Variants in PRR16 observed in about 807,000 individuals in gnomAD.
PRR16 encodes protein Largen.
Under a neutral mutation model 18.2 loss-of-function variants are expected in PRR16, and 6 were observed. The ratio of observed to expected loss-of-function variants is 0.33; its 90% confidence interval spans 0.18 to 0.65. PRR16 has a LOEUF of 0.65. PRR16 is among the 30% of genes least tolerant of loss of function. PRR16 has a pLI of 0.74. For missense variants in PRR16, 412 were observed against 376.6 expected (o/e 1.09, Z -0.78); for synonymous variants, 151 against 147.8 (o/e 1.02, Z -0.16).
intron 1 of PRR16, among the ~76,000 whole-genome samples, chr5:120,677,258 CCTA>C (rs201066403): frequency 0.01 from 1,570 of 152,164 alleles, 12 homozygotes; most frequent in Middle Eastern, 0.027. Context: ...GCAAAGTGGC[CCTA>C]CTGTGTCCTT....
the PRR16 span, among the ~76,000 whole-genome samples, chr5:120,711,349 G>A: frequency 1.3e-5 from 2 of 152,122 alleles, no homozygotes; most frequent in African/African-American, 4.8e-5. Context: ...TATAGACTCA[G>A]TGTAGAGTAG....
chr5:120,548,760 C>G (rs1752154763), intron 1 of PRR16, among the ~76,000 whole-genome samples: 1 of 102,288 alleles, frequency 9.8e-6, no homozygotes, highest in African/African-American at 3.7e-5. Flanking sequence ...GTCTGACTTG[C>G]TATTGGCCAA....
intron 1 of PRR16, among the ~76,000 whole-genome samples, chr5:120,592,932 C>T (rs1016734924): frequency 6.6e-6 from 1 of 152,026 alleles, no homozygotes; most frequent in African/African-American, 2.4e-5. Flanking sequence ...ATATAATTTA[C>T]TGCATTTGCA....
chr5:120,673,687 C>T (rs2150148499), intron 1 of PRR16, among the ~76,000 whole-genome samples: 2 of 152,072 alleles, frequency 1.3e-5, no homozygotes, highest in East Asian at 3.9e-4. Context: ...GCCGATAATC[C>T]CAGCACTTTG....
chr5:120,690,890 C>T (rs11241561), downstream of PRR16, among the ~76,000 whole-genome samples: 148,978 of 152,218 alleles, frequency 0.98, 72,991 homozygotes, highest in East Asian at 1. Context: ...TGAAGTGTAA[C>T]ATAAAGAAGC....
intron 1 of PRR16, among the ~76,000 whole-genome samples, chr5:120,575,856 A>C (rs1396841283): frequency 6.6e-6 from 1 of 152,222 alleles, no homozygotes; most frequent in African/African-American, 2.4e-5. Flanking sequence ...GAGGAAGTCA[A>C]ATTATTCCTG....
the PRR16 span, among the ~76,000 whole-genome samples, chr5:120,781,675 C>T: frequency 6.6e-6 from 1 of 151,944 alleles, no homozygotes; most frequent in Non-Finnish European, 1.5e-5. Context: ...TTTTGGAGTA[C>T]CATGTTCTCA....
the PRR16 span, among the ~76,000 whole-genome samples, chr5:120,720,128 C>T: frequency 6.6e-6 from 1 of 151,944 alleles, no homozygotes; most frequent in African/African-American, 2.4e-5. Context: ...AGTAATTATT[C>T]ATAGCCATAA....
intron 1 of PRR16, among the ~76,000 whole-genome samples, chr5:120,644,629 T>G (rs1014674698): frequency 6.6e-5 from 10 of 152,130 alleles, no homozygotes; most frequent in African/African-American, 2.2e-4. Context: ...TCAAAATATT[T>G]CATAATCTTT....
chr5:120,783,957 CAT>C, the PRR16 span, among the ~76,000 whole-genome samples: 82 of 152,244 alleles, frequency 5.4e-4, no homozygotes, highest in African/African-American at 1.9e-3. Flanking sequence ...TGAACGAGAA[CAT>C]GTGTATTTGT....
At chr5:120,547,319 T>C (rs569459068) in intron 1 of PRR16, among the ~76,000 whole-genome samples, 8 of 151,992 alleles carry the variant, frequency 5.3e-5, no homozygotes, top group Admixed American at 3.9e-4. Context: ...ACTCCTAGAG[T>C]CTTAAATCCT....
intron 1 of PRR16, among the ~76,000 whole-genome samples, chr5:120,541,045 A>G (rs2112682705): frequency 2.0e-5 from 3 of 152,338 alleles, no homozygotes; most frequent in Admixed American, 2.0e-4. Context: ...GAGATTCTTT[A>G]GAGGTCTTAT....
chr5:120,560,864 T>G (rs1040232397), intron 1 of PRR16, among the ~76,000 whole-genome samples: 1 of 152,114 alleles, frequency 6.6e-6, no homozygotes, highest in Non-Finnish European at 1.5e-5. Context: ...GTAGGTTGTA[T>G]GTGTCTAGGA....
intron 1 of PRR16, among the ~76,000 whole-genome samples, chr5:120,668,189 A>G (rs1459633341): frequency 6.6e-6 from 1 of 150,644 alleles, no homozygotes; most frequent in African/African-American, 2.4e-5. Context: ...TGTTGAATTG[A>G]TCCCTTTACC....
chr5:120,702,435 C>G, the PRR16 span, among the ~76,000 whole-genome samples: 26 of 151,554 alleles, frequency 1.7e-4, no homozygotes, highest in Non-Finnish European at 3.7e-4. Context: ...ACTTGCCCTT[C>G]CCCTAGAAAA....
the PRR16 span, among the ~76,000 whole-genome samples, chr5:120,785,569 G>GTTTTTTTTTTTTTTTTTTTTTTT: frequency 1.0e-5 from 1 of 99,606 alleles, no homozygotes; most frequent in African/African-American, 3.8e-5. Context: ...GTGTTTTGTT[G>GTTTTTTTTTTTTTTTTTTTTTTT]TTGTTGTTTT....
At chr5:120,591,342 C>T (rs2124167) in intron 1 of PRR16, among the ~76,000 whole-genome samples, 100,081 of 151,760 alleles carry the variant, frequency 0.66, 34,476 homozygotes, top group East Asian at 0.85. Context: ...TATAACAAGT[C>T]GTCGATTTTC....
At chr5:120,691,792 G>A (rs1020999108), downstream of PRR16, among the ~76,000 whole-genome samples, 22 of 152,176 alleles carry the variant, frequency 1.4e-4, no homozygotes, top group Non-Finnish European at 1.9e-4. Context: ...ATAAAACAAT[G>A]TGTGCCTCAA....
chr5:120,608,472 T>A (rs568307155), intron 1 of PRR16, among the ~76,000 whole-genome samples: 4 of 152,286 alleles, frequency 2.6e-5, no homozygotes, highest in Non-Finnish European at 5.9e-5. Context: ...ACTATCCAAC[T>A]AATGCAAACA....
Sources: gnomAD v4.1 joint callset for allele counts (sites outside exome capture counted in the v4.1 genomes callset) on GRCh38, gnomAD v4.1.1 for gene constraint, MANE v1.5 for transcripts, NCBI Gene and HGNC (gene_info 2026-07-23, HGNC 2026-07-21) for gene names.